The following ZNF385B variants were observed in gnomAD, a reference collection of about 807,000 sequenced individuals.
ZNF385B encodes the protein zinc finger protein 385B, also known as zinc finger protein 533.
Under a neutral mutation model 39.2 loss-of-function variants are expected in ZNF385B, and 23 were observed. That is an observed-to-expected ratio of 0.59 (90% CI 0.42 to 0.83). The LOEUF (loss-of-function observed/expected upper bound fraction) is 0.83, where lower values mean the gene tolerates loss of function less well. ZNF385B is among the 40% of genes least tolerant of loss of function. The pLI is 0.00. For missense variants in ZNF385B, 552 were observed against 598.9 expected, an observed-to-expected ratio of 0.92 and a Z score of 0.82; for synonymous variants, 205 against 222.6, an observed-to-expected ratio of 0.92 and a Z score of 0.70.
intron 5 of ZNF385B, among the ~76,000 whole-genome samples, chr2:179,510,087 G>A (rs2057549176): frequency 6.6e-6 from 1 of 152,100 alleles, no homozygotes; most frequent in African/African-American, 2.4e-5. Flanking sequence ...ATATGAAATT[G>A]TGTATATACA....
chr2:179,779,554 G>C (rs1704545113), intron 1 of ZNF385B, among the ~76,000 whole-genome samples: 1 of 152,244 alleles, frequency 6.6e-6, no homozygotes, highest in South Asian at 2.1e-4. Context: ...AGTAGAGAGG[G>C]TGTCATGTGG....
intron 6 of ZNF385B, among the ~76,000 whole-genome samples, chr2:179,450,505 A>ATCATCACT (rs1392396105): frequency 1.3e-5 from 2 of 152,238 alleles, no homozygotes; most frequent in Non-Finnish European, 2.9e-5. Context: ...AAAAATGCTC[A>ATCATCACT]TCATCACTGG....
At chr2:179,853,927 G>T (rs141083341) in intron 1 of ZNF385B, among the ~76,000 whole-genome samples, 2,426 of 152,250 alleles carry the variant, frequency 0.016, 221 homozygotes, top group Admixed American at 0.14. Flanking sequence ...CGACATTTAG[G>T]CTCTGCTATT....
intron 1 of ZNF385B, among the ~76,000 whole-genome samples, chr2:179,853,542 C>T (rs1437515289): frequency 6.6e-6 from 1 of 152,106 alleles, no homozygotes; most frequent in African/African-American, 2.4e-5. Context: ...CAAGGAAAGG[C>T]AGATGAGAAA....
At chr2:179,603,963 A>T (rs1206128621) in intron 3 of ZNF385B, among the ~76,000 whole-genome samples, 3 of 152,240 alleles carry the variant, frequency 2.0e-5, no homozygotes, top group Non-Finnish European at 4.4e-5. Flanking sequence ...TTCAATACAC[A>T]GAAGAATCTA....
At chr2:179,574,761 G>A (rs770816358) in intron 3 of ZNF385B, among the ~76,000 whole-genome samples, 1 of 152,126 alleles carries the variant, frequency 6.6e-6, no homozygotes, top group African/African-American at 2.4e-5. Context: ...ACTAACTACT[G>A]CCTTCTCTTA....
At chr2:179,627,154 G>T (rs1418559391) in intron 3 of ZNF385B, among the ~76,000 whole-genome samples, 1 of 152,128 alleles carries the variant, frequency 6.6e-6, no homozygotes, top group Admixed American at 6.6e-5. Context: ...AGAGCTTGGT[G>T]AGTTTCTGGC....
At chr2:179,688,120 C>G (rs1026270643) in intron 3 of ZNF385B, among the ~76,000 whole-genome samples, 1 of 151,950 alleles carries the variant, frequency 6.6e-6, no homozygotes, top group African/African-American at 2.4e-5. Flanking sequence ...CTGGCAAGTT[C>G]TCCAGGACTT....
At chr2:179,859,865 T>C (rs1684900766) in intron 1 of ZNF385B, among the ~76,000 whole-genome samples, 2 of 152,188 alleles carry the variant, frequency 1.3e-5, no homozygotes, top group South Asian at 4.1e-4. Context: ...CAAAATAAGA[T>C]TAAAGGACTC....
intron 3 of ZNF385B, among the ~76,000 whole-genome samples, chr2:179,617,708 C>T (rs991910685): frequency 1.3e-5 from 2 of 152,100 alleles, no homozygotes; most frequent in Non-Finnish European, 2.9e-5. Flanking sequence ...AATTTGAGAA[C>T]TATTCTTTAA....
rs552937407 is a variant in ZNF385B at position 179,855,923 on chromosome 2, C to T, written c.-155+5178G>A. ...TTAAGTAACCCCTGCCCCAAGCTCT[C>T]AAATCTGGTGGTGAGTGGCTAAGCC... On this transcript the variant is annotated intron_variant, in intron 1 of 9. Coordinates refer to ENST00000410066, the MANE Select transcript of ZNF385B (RefSeq NM_152520.6). 2.3e-3 allele frequency among the ~76,000 whole-genome samples: 343 copies of T among 152,288 alleles called. 2 individuals carry two copies. Among genetic ancestry groups the T allele is most frequent in the African/African-American group, 7.9e-3 (328 of 41,554 alleles).
chr2:179,782,067 T>C (rs59561010), intron 1 of ZNF385B, among the ~76,000 whole-genome samples: 17,158 of 152,156 alleles, frequency 0.11, 1,599 homozygotes, highest in East Asian at 0.49. Flanking sequence ...TTGGTGAACA[T>C]TGATGCAAAC....
intron 3 of ZNF385B, among the ~76,000 whole-genome samples, chr2:179,611,676 G>C (rs1281866265): frequency 6.6e-6 from 1 of 152,100 alleles, no homozygotes; most frequent in African/African-American, 2.4e-5. Context: ...CCTTTGCTGG[G>C]AGACTTTATT....
At chr2:179,578,752 C>A (rs558552101) in intron 3 of ZNF385B, among the ~76,000 whole-genome samples, 361 of 152,186 alleles carry the variant, frequency 2.4e-3, no homozygotes, top group Non-Finnish European at 3.5e-3. Flanking sequence ...TGGCCCTTCA[C>A]TGTTTGTTCA....
At position 179,711,483 on chromosome 2, in the gene ZNF385B, G is replaced by A. The variant is rs144319476; in HGVS notation, c.298+58020C>T. On this transcript the variant is annotated intron_variant, in intron 3 of 9. Transcript: ENST00000410066. The stretch of plus-strand genomic sequence containing the variant: ...GAGGGTATGCTGGGGTGGAATGTAC[G>A]GCAGATGTACCTGATAGCAAGAGTT... Among the ~76,000 whole-genome samples the A allele has an allele frequency of 5.0e-4, 76 of 152,240 alleles. No homozygotes were observed. The East Asian group carries it at 6.4e-3, about 13-fold the overall frequency.
At chr2:179,804,462 G>A (rs907313501) in intron 1 of ZNF385B, among the ~76,000 whole-genome samples, 18 of 152,104 alleles carry the variant, frequency 1.2e-4, no homozygotes, top group Non-Finnish European at 2.4e-4. Context: ...TGGCATAAAC[G>A]TTTTCATGAT....
At chr2:179,688,189 A>C (rs1326272236) in intron 3 of ZNF385B, among the ~76,000 whole-genome samples, 1 of 152,186 alleles carries the variant, frequency 6.6e-6, no homozygotes, top group African/African-American at 2.4e-5. Context: ...TATATGAGTT[A>C]GAGGTGGGGA....
intron 1 of ZNF385B, among the ~76,000 whole-genome samples, chr2:179,787,194 C>A (rs772849384): frequency 6.6e-6 from 1 of 151,656 alleles, no homozygotes; most frequent in South Asian, 2.1e-4. Flanking sequence ...TAATTTTGTT[C>A]GTAATGATTT....
intron 3 of ZNF385B, among the ~76,000 whole-genome samples, chr2:179,561,721 G>A (rs985610105): frequency 6.6e-6 from 1 of 151,944 alleles, no homozygotes; most frequent in East Asian, 1.9e-4. Context: ...AGTACCTACT[G>A]TATACATACA....
Sources: gnomAD v4.1 joint callset for allele counts (sites outside exome capture counted in the v4.1 genomes callset) on GRCh38, gnomAD v4.1.1 for gene constraint, MANE v1.5 for transcripts, NCBI Gene and HGNC (gene_info 2026-07-23, HGNC 2026-07-21) for gene names.